CUBN: variants seen among roughly 807,000 people sequenced by gnomAD.
The protein encoded by CUBN is cubilin.
CUBN carries 282 observed loss-of-function variants against 405.3 expected under a neutral mutation model. That is an observed-to-expected ratio of 0.70 (90% CI 0.63 to 0.77). The LOEUF (loss-of-function observed/expected upper bound fraction) is 0.77. Ranked by LOEUF, CUBN falls within the 30% of genes least tolerant of loss-of-function variation. The pLI, the probability that CUBN is intolerant of heterozygous loss-of-function variation, is 0.00. For synonymous variants in CUBN, 1,684 were observed against 1,617.0 expected (o/e 1.04, Z -0.99); for missense variants, 4,514 against 4,475.2 (o/e 1.01, Z -0.25).
At chr10:16,894,950 A>C (rs1435812815) in intron 54 of CUBN, among the ~76,000 whole-genome samples, 1 of 152,184 alleles carries the variant, frequency 6.6e-6, no homozygotes, top group Non-Finnish European at 1.5e-5. Context: ...ACACTGATCC[A>C]TCTGATCCTT....
chr10:16,842,010 A>C, intron 60 of CUBN, among the ~76,000 whole-genome samples: 1 of 148,696 alleles, frequency 6.7e-6, no homozygotes. Flanking sequence ...ATTTTTCTCC[A>C]CAGCAACTGT....
intron 45 of CUBN, among the ~76,000 whole-genome samples, chr10:16,917,873 T>C (rs1458791324): frequency 6.6e-6 from 1 of 152,200 alleles, no homozygotes; most frequent in African/African-American, 2.4e-5. Context: ...ATTCATTCTA[T>C]AATAACTCTT....
chr10:17,119,392 G>C (rs1432125770), intron 6 of CUBN, among the ~76,000 whole-genome samples: 3 of 152,230 alleles, frequency 2.0e-5, no homozygotes, highest in African/African-American at 7.2e-5. Context: ...GGGCACGGTG[G>C]CTCACGCCTG....
At chr10:17,086,399 A>C in intron 15 of CUBN, among the ~76,000 whole-genome samples, 1 of 152,236 alleles carries the variant, frequency 6.6e-6, no homozygotes, top group East Asian at 1.9e-4. Flanking sequence ...ATATAAGCAA[A>C]GAAAACAGAA....
In CUBN at chr10:17,068,621, G is replaced by A; in HGVS notation, c.2775C>T (p.Phe925=). ...STENHGFMAK[F]SAEDLACGEI... Reference sequence around the variant, plus strand: ...GTCTCTTACCCAAATCCTCAGCACTGAACTTAGCCATGAAACCATGGTTTT... The same window carrying A: ...GTCTCTTACCCAAATCCTCAGCACTAAACTTAGCCATGAAACCATGGTTTT... The change falls in exon 20 of 67, where the codon TTC becomes TTT. Residue 925 remains phenylalanine (F), a synonymous_variant. Coordinates refer to ENST00000377833, the MANE Select transcript of CUBN (RefSeq NM_001081.4). 6.2e-7 allele frequency: 1 copy of A among 1,612,624 alleles called. No individual in the cohort carries two copies.
chr10:16,933,613 A>G (rs978614775), intron 39 of CUBN, among the ~76,000 whole-genome samples: 2 of 152,148 alleles, frequency 1.3e-5, no homozygotes, highest in African/African-American at 4.8e-5. Flanking sequence ...AACTGTATTC[A>G]TTCCTGTGTT....
chr10:16,892,126 C>A (rs1309908734), intron 54 of CUBN, among the ~76,000 whole-genome samples: 1 of 152,126 alleles, frequency 6.6e-6, no homozygotes, highest in Non-Finnish European at 1.5e-5. Flanking sequence ...TGTGAAATAG[C>A]ACTGATTCAT....
At chr10:17,069,689 G>A (rs370207121) in intron 19 of CUBN, among the ~76,000 whole-genome samples, 144 of 152,142 alleles carry the variant, frequency 9.5e-4, no homozygotes, top group Non-Finnish European at 1.7e-3. Context: ...GGCTACAGGC[G>A]TGTATTACCA....
chr10:17,099,825 C>T (rs1836456603), intron 14 of CUBN, among the ~76,000 whole-genome samples, 180 bp downstream of exon 14: 1 of 152,060 alleles, frequency 6.6e-6, no homozygotes, highest in African/African-American at 2.4e-5. Context: ...GCACTCCAGC[C>T]TGGGCAACAG....
intron 54 of CUBN, among the ~76,000 whole-genome samples, chr10:16,898,133 A>G (rs928808773): frequency 1.3e-5 from 2 of 151,370 alleles, no homozygotes; most frequent in Non-Finnish European, 2.9e-5. Context: ...GCATGGGTCA[A>G]TGAGATATAA....
At chr10:17,054,312 C>T (rs1455097058) in intron 22 of CUBN, among the ~76,000 whole-genome samples, 4 of 129,918 alleles carry the variant, frequency 3.1e-5, no homozygotes, top group East Asian at 2.3e-4. Context: ...GCCTGGGCAA[C>T]GAGAGTGAAA....
intron 41 of CUBN, among the ~76,000 whole-genome samples, chr10:16,926,274 G>C (rs1564427571): frequency 6.6e-6 from 1 of 152,296 alleles, no homozygotes; most frequent in East Asian, 1.9e-4. Context: ...TGATGTGTTA[G>C]AGGTACATCA....
intron 31 of CUBN, among the ~76,000 whole-genome samples, chr10:16,976,130 T>A (rs921018987): frequency 1.3e-5 from 2 of 151,858 alleles, no homozygotes; most frequent in East Asian, 3.9e-4. Flanking sequence ...GCCACCATGC[T>A]TGGCTAATTT....
chr10:16,976,922 A>G (rs777253370), intron 31 of CUBN, among the ~76,000 whole-genome samples: 1 of 152,138 alleles, frequency 6.6e-6, no homozygotes, highest in Non-Finnish European at 1.5e-5. Flanking sequence ...GGTCTTCTTC[A>G]TATTGCAATG....
At chr10:16,955,827 CG>C (rs1843048107) in intron 31 of CUBN, among the ~76,000 whole-genome samples, 1 of 152,126 alleles carries the variant, frequency 6.6e-6, no homozygotes, top group African/African-American at 2.4e-5. Context: ...GAGCAGGTCA[CG>C]TTGAATCAGA....
chr10:17,113,270 A>G (rs1836811289), intron 8 of CUBN, among the ~76,000 whole-genome samples: 1 of 152,146 alleles, frequency 6.6e-6, no homozygotes, highest in African/African-American at 2.4e-5. Context: ...GTCTCAAAAC[A>G]ACAACAACAA....
chr10:17,013,184 C>T (rs1445922595), intron 28 of CUBN, among the ~76,000 whole-genome samples: 6 of 152,072 alleles, frequency 3.9e-5, no homozygotes, highest in African/African-American at 1.2e-4. Flanking sequence ...CTCTCTTTGA[C>T]TCCTTTGTCT....
chr10:17,106,437 A>G (rs1836631902), intron 10 of CUBN, among the ~76,000 whole-genome samples: 1 of 151,826 alleles, frequency 6.6e-6, no homozygotes, highest in Non-Finnish European at 1.5e-5. Flanking sequence ...CCCTGTCTCT[A>G]CTAAAAATAC....
chr10:17,091,134 G>A (rs953091937), intron 14 of CUBN, among the ~76,000 whole-genome samples: 2 of 152,112 alleles, frequency 1.3e-5, no homozygotes, highest in African/African-American at 4.8e-5. Flanking sequence ...GAAAGCAAAG[G>A]AGCTTTCAAA....
Sources: gnomAD v4.1 joint callset for allele counts (sites outside exome capture counted in the v4.1 genomes callset) on GRCh38, gnomAD v4.1.1 for gene constraint, MANE v1.5 for transcripts, NCBI Gene and HGNC (gene_info 2026-07-23, HGNC 2026-07-21) for gene names.